Variants in OTOF observed in about 807,000 individuals in gnomAD.
OTOF encodes fer-1-like family member 2.
In OTOF, 218 loss-of-function variants were observed where a neutral mutation model predicts 236.8. The observed-to-expected ratio is 0.92, with a 90% CI of 0.82 to 1.03. The LOEUF is 1.03. Ranked by LOEUF, OTOF falls within the 50% of genes least tolerant of loss-of-function variation. The pLI, the probability that OTOF is intolerant of heterozygous loss-of-function variation, is 0.00. For synonymous variants in OTOF, 1,041 were observed against 1,072.5 expected (o/e 0.97, Z 0.57); for missense variants, 2,590 against 2,694.4 (o/e 0.96, Z 0.86).
chr2:26,472,749 G>T, intron 29 of OTOF, 100 bp from the exon 30 acceptor site: 1 of 1,274,162 alleles, frequency 7.8e-7, no homozygotes, highest in Non-Finnish European at 1.1e-6. Flanking sequence ...GCTGATTCTG[G>T]AACTTTCTGA....
intron 11 of OTOF, among the ~76,000 whole-genome samples, chr2:26,486,084 C>G (rs756389996): frequency 6.6e-6 from 1 of 151,556 alleles, no homozygotes; most frequent in Non-Finnish European, 1.5e-5. Flanking sequence ...GATAGACGGA[C>G]AGATGGTGAA....
At chr2:26,495,811 TG>T in intron 8 of OTOF, among the ~76,000 whole-genome samples, 1 of 152,366 alleles carries the variant, frequency 6.6e-6, no homozygotes, top group African/African-American at 2.4e-5. Context: ...CAGAAAGAGC[TG>T]CCAAACCCAT....
chr2:26,504,182 C>T lies in OTOF; in HGVS notation c.510-337G>A, dbSNP rs191984860. Among the ~76,000 whole-genome samples, 58 of 152,272 alleles carry T rather than the reference C, an allele frequency of 3.8e-4. 1 individual carries two copies. The highest frequency in any genetic ancestry group is 3.3e-3 in the Admixed American group (51 of 15,306). ...TGGGTCTTGGACTTTTCAGTCTGAT[C>T]CCAGCCCCTCAGTCTAGTCTCCTCA... On this transcript the variant is annotated intron_variant, in intron 5 of 46. Coordinates refer to ENST00000272371, the MANE Select transcript of OTOF (RefSeq NM_194248.3).
At chr2:26,517,336 C>T (rs1422660084) in intron 4 of OTOF, among the ~76,000 whole-genome samples, 1 of 152,142 alleles carries the variant, frequency 6.6e-6, no homozygotes, top group East Asian at 1.9e-4. Context: ...GACAGGCGGC[C>T]CTCACTCAGT....
intron 5 of OTOF, among the ~76,000 whole-genome samples, chr2:26,512,486 C>T (rs1666415563): frequency 6.6e-6 from 1 of 152,226 alleles, no homozygotes; most frequent in African/African-American, 2.4e-5. Context: ...CTAGGGCAGG[C>T]ATACGCTGCC....
chr2:26,503,699 G>T, intron 6 of OTOF, 73 bp downstream of exon 6: 1 of 1,363,080 alleles, frequency 7.3e-7, no homozygotes, highest in Non-Finnish European at 1.0e-6. Context: ...TTGGCAGCCG[G>T]GCAGGGGCTG....
chr2:26,467,769 C>T (rs531669869), intron 33 of OTOF, among the ~76,000 whole-genome samples: 17 of 152,228 alleles, frequency 1.1e-4, no homozygotes, highest in Middle Eastern at 3.4e-3. Flanking sequence ...GGGGTGGAGG[C>T]CTGTTGCTGC....
intron 37 of OTOF, 51 bp from the exon 38 acceptor site, chr2:26,465,893 G>C (rs1418195025): frequency 1.9e-6 from 3 of 1,614,208 alleles, no homozygotes; most frequent in Non-Finnish European, 2.5e-6. Flanking sequence ...AGGGTGGGAG[G>C]TGTTCTGGGT....
chr2:26,550,116 A>G lies in OTOF; in HGVS notation c.79+8377T>C, dbSNP rs568180397. On this transcript the variant is annotated intron_variant, in intron 1 of 46. Coordinates refer to ENST00000272371, the MANE Select transcript of OTOF (RefSeq NM_194248.3). Reference sequence around the variant, plus strand: ...TTAAACTTCGGCTGAAAAAAAAAAAAGCCAGTGGGTGAAAACTCGTCTCCA... The same window carrying G: ...TTAAACTTCGGCTGAAAAAAAAAAAGGCCAGTGGGTGAAAACTCGTCTCCA... Among the ~76,000 whole-genome samples, 371 of 151,902 alleles carry G rather than the reference A, an allele frequency of 2.4e-3. 1 individual carries two copies. The highest frequency in any genetic ancestry group is 8.6e-3 in the African/African-American group (358 of 41,426).
chr2:26,523,959 A>G (rs769504804), intron 3 of OTOF, among the ~76,000 whole-genome samples: 1 of 152,168 alleles, frequency 6.6e-6, no homozygotes, highest in Non-Finnish European at 1.5e-5. Context: ...TCTGACCCCC[A>G]CAAGCTGGCC....
At position 26,477,055 on chromosome 2, in the gene OTOF, G is replaced by T; in HGVS notation, c.2524-12C>A. The T allele has an allele frequency of 6.6e-7, 1 of 1,523,246 alleles. No homozygotes were observed. 94.4% of individuals were successfully genotyped at this position (1,523,246 alleles called of 1,614,324 possible). A position where few individuals can be genotyped will look rare whatever the true frequency, so the allele number is the denominator to read the frequency against. ...ATGCTGTGCTGGGGCTGGGGGTTGG[G>T]GGGTGGCCAGGGGCAGTGGGTAAGG... On this transcript the variant is annotated splice_polypyrimidine_tract_variant and intron_variant, in intron 21 of 46. Coordinates refer to ENST00000272371, the MANE Select transcript of OTOF (RefSeq NM_194248.3). The surrounding 1 kb of genome is among the most constrained non-coding windows in gnomAD (Gnocchi z 4.7).
At chr2:26,508,158 T>C (rs1400218495) in intron 5 of OTOF, among the ~76,000 whole-genome samples, 9 of 152,184 alleles carry the variant, frequency 5.9e-5, no homozygotes, top group Non-Finnish European at 1.3e-4. Context: ...ACTACTAGGC[T>C]CATTAGCTCA....
chr2:26,542,882 G>A (rs116619620), intron 1 of OTOF, among the ~76,000 whole-genome samples: 1 of 152,328 alleles, frequency 6.6e-6, no homozygotes, highest in Non-Finnish European at 1.5e-5. Context: ...GATTTTGCCA[G>A]GGCCCAGCCC....
At position 26,462,492 on chromosome 2, in the gene OTOF, G is replaced by GT. The variant is rs1664528815; in HGVS notation, c.5193-312dup. Among the ~76,000 whole-genome samples, 1 of 152,230 alleles carries GT rather than the reference G, an allele frequency of 6.6e-6. No individual in the cohort carries two copies. The highest frequency in any genetic ancestry group is 2.1e-4 in the South Asian group (1 of 4,836). On this transcript the variant is annotated intron_variant, in intron 41 of 46. Transcript: ENST00000272371. The surrounding 1 kb of genome is among the most constrained non-coding windows in gnomAD (Gnocchi z 4.7). ...CCAGCAATGGAAGCCCATGGAAGCT[G>GT]TATGTCCCTGTCCCCAAAGAGGATT...
intron 3 of OTOF, 112 bp from the exon 4 acceptor site, chr2:26,519,221 C>T: frequency 1.3e-6 from 1 of 748,620 alleles, no homozygotes; most frequent in Non-Finnish European, 2.3e-6. Flanking sequence ...GGGCTTGCTC[C>T]AGCTCTGGGC....
rs1421241299 is a variant in OTOF, at chr2:26,457,972, G to C, written c.*266C>G. The C allele has an allele frequency of 3.4e-6, 5 of 1,490,728 alleles. No homozygotes were observed. Among genetic ancestry groups the C allele is most frequent in the Middle Eastern group, 1.9e-4 (1 of 5,304 alleles). 92.3% of individuals were successfully genotyped at this position (1,490,728 alleles called of 1,614,324 possible). A position where few individuals can be genotyped will look rare whatever the true frequency, so the allele number is the denominator to read the frequency against. On this transcript the variant is annotated 3_prime_UTR_variant, in exon 47 of 47. Transcript: ENST00000272371. The surrounding 1 kb of genome is among the most constrained non-coding windows in gnomAD (Gnocchi z 4.4). ...TCCTCAGGCTCCCCAGGGGAGATGG[G>C]AAAGAGTCCAAGCCACTGAAAGGAA...
chr2:26,510,616 G>A (rs904642782), intron 5 of OTOF: 14 of 845,748 alleles, frequency 1.7e-5, no homozygotes, highest in Non-Finnish European at 1.9e-5. Flanking sequence ...CCTCTCAGCC[G>A]AGCCCATCCC....
chr2:26,481,345 A>AT (rs1242014612), intron 14 of OTOF, among the ~76,000 whole-genome samples: 1 of 152,134 alleles, frequency 6.6e-6, no homozygotes, highest in East Asian at 1.9e-4. Flanking sequence ...GCCCTGTGCC[A>AT]TTTTTGCAGC....
intron 11 of OTOF, among the ~76,000 whole-genome samples, chr2:26,487,828 C>G (rs907907245): frequency 1.3e-5 from 2 of 152,230 alleles, no homozygotes; most frequent in African/African-American, 2.4e-5. Flanking sequence ...TGGCAGGAGG[C>G]CGACTCTTCC....
Sources: gnomAD v4.1 joint callset for allele counts (sites outside exome capture counted in the v4.1 genomes callset) on GRCh38, gnomAD v4.1.1 for gene constraint, Gnocchi (gnomAD v3.1) non-coding constraint, MANE v1.5 for transcripts, NCBI Gene and HGNC (gene_info 2026-07-23, HGNC 2026-07-21) for gene names.